The following FANCC variants were observed in gnomAD, a reference collection of about 807,000 sequenced individuals.
FANCC encodes FA complementation group C.
FANCC carries 55 observed loss-of-function variants against 71.3 expected under a neutral mutation model. The ratio of observed to expected loss-of-function variants is 0.77; its 90% CI spans 0.62 to 0.97. The LOEUF (loss-of-function observed/expected upper bound fraction) is 0.97, where lower values mean the gene tolerates loss of function less well. FANCC is among the 50% of genes least tolerant of loss of function. FANCC has a pLI of 0.00. For missense variants in FANCC, 678 were observed against 670.9 expected, an observed-to-expected ratio of 1.01 and a Z score of -0.12; for synonymous variants, 275 against 244.9, an observed-to-expected ratio of 1.12 and a Z score of -1.15.
At chr9:95,107,384 G>A (rs1194543919) in intron 13 of FANCC, 115 bp from the exon 14 acceptor site, 11 of 1,126,576 alleles carry the variant, frequency 9.8e-6, no homozygotes, top group South Asian at 9.3e-5. Flanking sequence ...ACTGGCCCCT[G>A]AGAGAGGGAG....
intron 1 of FANCC, among the ~76,000 whole-genome samples, chr9:95,306,465 A>G (rs1225218196): frequency 6.6e-6 from 1 of 152,182 alleles, no homozygotes. Context: ...GACTTGCTTA[A>G]CAATGCTTCC....
At chr9:95,194,775 A>G (rs1487515910) in intron 4 of FANCC, among the ~76,000 whole-genome samples, 2 of 152,140 alleles carry the variant, frequency 1.3e-5, no homozygotes, top group Admixed American at 1.3e-4. Context: ...TGGCTTGCAA[A>G]TATCTCCTCC....
At chr9:95,175,000 T>C (rs1825921628) in intron 4 of FANCC, among the ~76,000 whole-genome samples, 1 of 152,146 alleles carries the variant, frequency 6.6e-6, no homozygotes, top group Non-Finnish European at 1.5e-5. Flanking sequence ...ACATTAGAAA[T>C]ACAGAAGAAG....
At chr9:95,206,379 C>T (rs958133616) in intron 4 of FANCC, among the ~76,000 whole-genome samples, 38 of 151,894 alleles carry the variant, frequency 2.5e-4, no homozygotes, top group Non-Finnish European at 5.0e-4. Flanking sequence ...TATCTGCCAG[C>T]GCGGTCTGTG....
At chr9:95,170,948 A>G in intron 6 of FANCC, 131 bp downstream of exon 6, 1 of 736,866 alleles carries the variant, frequency 1.4e-6, no homozygotes, top group Non-Finnish European at 2.4e-6. Context: ...GTATTCCACT[A>G]AAATAATCTT....
intron 6 of FANCC, among the ~76,000 whole-genome samples, chr9:95,153,218 T>G (rs1488175622): frequency 6.6e-6 from 1 of 152,262 alleles, no homozygotes. Context: ...GTAGTGTATA[T>G]ATACCATATT....
chr9:95,104,337 G>T (rs2071278826), intron 14 of FANCC, among the ~76,000 whole-genome samples: 1 of 152,232 alleles, frequency 6.6e-6, no homozygotes. Flanking sequence ...CCCTGACAGA[G>T]TCAGTGCATG....
chr9:95,278,459 A>C (rs1424181386), intron 1 of FANCC, among the ~76,000 whole-genome samples: 4 of 152,220 alleles, frequency 2.6e-5, no homozygotes, highest in Admixed American at 2.6e-4. Flanking sequence ...GAATAACACT[A>C]TAACCAAGCA....
At chr9:95,137,712 G>C (rs574401437) in intron 7 of FANCC, among the ~76,000 whole-genome samples, 1 of 152,342 alleles carries the variant, frequency 6.6e-6, no homozygotes, top group East Asian at 1.9e-4. Context: ...TTGGCTGAAG[G>C]TACACATTTG....
intron 1 of FANCC, among the ~76,000 whole-genome samples, chr9:95,302,415 C>T (rs1410753596): frequency 1.3e-5 from 2 of 152,182 alleles, no homozygotes; most frequent in Non-Finnish European, 2.9e-5. Flanking sequence ...TGAAACAGAA[C>T]CTACCTCAAA....
intron 10 of FANCC, among the ~76,000 whole-genome samples, 164 bp from the exon 11 acceptor site, chr9:95,117,554 C>T (rs892705975): frequency 3.9e-5 from 6 of 151,994 alleles, no homozygotes; most frequent in African/African-American, 1.2e-4. Context: ...TCCCAATAAC[C>T]TCATATTTTC....
At chr9:95,150,926 C>T (rs1564698730) in intron 6 of FANCC, among the ~76,000 whole-genome samples, 2 of 152,132 alleles carry the variant, frequency 1.3e-5, no homozygotes, top group Non-Finnish European at 2.9e-5. Context: ...ATACTGTCTA[C>T]CATGTGTGGC....
At chr9:95,123,898 A>T in intron 10 of FANCC, 1 of 482,610 alleles carries the variant, frequency 2.1e-6, no homozygotes, top group Non-Finnish European at 3.9e-6. Context: ...CTGAAGACGG[A>T]CTATTCTCTT....
intron 4 of FANCC, among the ~76,000 whole-genome samples, chr9:95,178,001 C>A (rs1391321863): frequency 1.3e-5 from 2 of 152,086 alleles, no homozygotes; most frequent in African/African-American, 2.4e-5. Flanking sequence ...CAGCTCAACA[C>A]AAATTTGTAA....
intron 4 of FANCC, among the ~76,000 whole-genome samples, chr9:95,187,732 AGGAG>A (rs1461529426): frequency 6.6e-6 from 1 of 152,006 alleles, no homozygotes; most frequent in Admixed American, 6.6e-5. Flanking sequence ...GGAAAGAACC[AGGAG>A]AGGACAGCAT....
intron 1 of FANCC, 112 bp from the exon 2 acceptor site, chr9:95,249,481 CT>C: frequency 1.6e-6 from 1 of 609,896 alleles, no homozygotes; most frequent in Non-Finnish European, 2.9e-6. Context: ...AGCATGGCTT[CT>C]ATGCTGGAGC....
chr9:95,248,362 T>TA (rs940420170), intron 2 of FANCC, among the ~76,000 whole-genome samples: 1 of 152,130 alleles, frequency 6.6e-6, no homozygotes, highest in Non-Finnish European at 1.5e-5. Context: ...TATGTCTCAT[T>TA]AAAAAAACAA....
chr9:95,272,493 C>A (rs535934482), intron 1 of FANCC, among the ~76,000 whole-genome samples: 3 of 151,998 alleles, frequency 2.0e-5, no homozygotes, highest in East Asian at 1.9e-4. Flanking sequence ...GCCAGGAACT[C>A]GAGCCCAGCC....
chr9:95,143,567 A>G (rs554985765), intron 7 of FANCC, among the ~76,000 whole-genome samples: 3 of 152,336 alleles, frequency 2.0e-5, no homozygotes, highest in African/African-American at 7.2e-5. Flanking sequence ...GCCTGGATGA[A>G]GACCAAATGC....
Sources: allele counts gnomAD v4.1 joint callset (sites outside exome capture counted in the v4.1 genomes callset), GRCh38; gene constraint gnomAD v4.1.1; transcripts MANE v1.5; gene names NCBI Gene and HGNC (gene_info 2026-07-23, HGNC 2026-07-21).